CCDC40: variants seen among roughly 807,000 people sequenced by gnomAD.
CCDC40 encodes coiled-coil domain 40 molecular ruler complex subunit, also known as coiled-coil domain-containing protein 40.
In CCDC40, 104 loss-of-function variants were observed where a neutral mutation model predicts 124.5. That is an observed-to-expected ratio of 0.84 (90% CI 0.71 to 0.98). CCDC40 has a LOEUF of 0.98. Among genes scored for constraint, CCDC40 ranks in the 50% least tolerant of loss-of-function variants. The probability of loss-of-function intolerance (pLI) is 0.00; values close to 1 mark genes in which losing one functional copy is unlikely to be tolerated. For synonymous variants in CCDC40, 580 were observed against 602.9 expected, an observed-to-expected ratio of 0.96 and a Z score of 0.56; for missense variants, 1,463 against 1,503.9, an observed-to-expected ratio of 0.97 and a Z score of 0.45.
In CCDC40 at chr17:80,097,344, C is replaced by G; in HGVS notation, c.3121C>G (p.Gln1041Glu). The G allele has an allele frequency of 6.2e-7, 1 of 1,613,974 alleles. No individual in the cohort carries two copies. The highest frequency in any genetic ancestry group is 8.5e-7 in the Non-Finnish European group (1 of 1,180,036). Residue 1041 changes from glutamine (Q) to glutamate (E), a missense_variant, in exon 19 of 20, where the codon CAG (glutamine) becomes GAG (glutamate). Coordinates refer to ENST00000397545, the MANE Select transcript of CCDC40 (RefSeq NM_017950.4). ...LEKQEKLSVI[Q>E]ADFDTLEADL... The stretch of plus-strand genomic sequence containing the variant: ...GAAGCAGGAAAAGCTGTCGGTGATT[C>G]AGGCAGACTTCGACACACTCGAGGC...
chr17:80,095,489 T>A, intron 18 of CCDC40, 38 bp downstream of exon 18: 1 of 1,594,450 alleles, frequency 6.3e-7, no homozygotes, highest in South Asian at 1.1e-5. Flanking sequence ...CGCCTGCTCC[T>A]CTCTCTGGGA....
intron 3 of CCDC40, among the ~76,000 whole-genome samples, chr17:80,044,125 T>C (rs565407858): frequency 6.6e-6 from 1 of 152,222 alleles, no homozygotes; most frequent in South Asian, 2.1e-4. Flanking sequence ...ATTGTGCCCA[T>C]TGTACAGATG....
At chr17:80,073,096 G>A (rs778624550) in intron 10 of CCDC40, among the ~76,000 whole-genome samples, 10 of 152,118 alleles carry the variant, frequency 6.6e-5, no homozygotes, top group African/African-American at 1.2e-4. Flanking sequence ...TCCACCTCCC[G>A]GGTTCAAGCA....
Position 80,081,866 on chromosome 17 carries a change from T to A in CCDC40, c.1807-10T>A. ...TCAGGCACGTGCACCCTGTGGCTCC[T>A]TGTCTCCAGGAACAAATGATACTCA... On this transcript the variant is annotated splice_polypyrimidine_tract_variant and intron_variant, in intron 11 of 19. Transcript: ENST00000397545. 1 of 1,614,086 alleles carries A rather than the reference T, an allele frequency of 6.2e-7. No individual in the cohort carries two copies.
In CCDC40 at chr17:80,097,344, CA is replaced by C. The variant is rs748352845; in HGVS notation, c.3122del (p.Gln1041ArgfsTer38). On this transcript the variant is annotated frameshift_variant, in exon 19 of 20. Transcript: ENST00000397545. LOFTEE classifies it high-confidence loss of function. Reference sequence around the variant, plus strand: ...GAAGCAGGAAAAGCTGTCGGTGATTCAGGCAGACTTCGACACACTCGAGGCC... The same window carrying C: ...GAAGCAGGAAAAGCTGTCGGTGATTCGGCAGACTTCGACACACTCGAGGCC... Reference protein sequence around the residue: ...LEKQEKLSVIQADFDTLEADL... With the variant: ...LEKQEKLSVIXADFDTLEADL... 6.2e-7 allele frequency: 1 copy of C among 1,613,974 alleles called. No individual in the cohort carries two copies. Among genetic ancestry groups the C allele is most frequent in the South Asian group, 1.1e-5 (1 of 91,080 alleles).
At chr17:80,056,970 C>T (rs11868355) in intron 7 of CCDC40, among the ~76,000 whole-genome samples, 1 of 145,316 alleles carries the variant, frequency 6.9e-6, no homozygotes, top group Non-Finnish European at 1.5e-5. Context: ...GAACCCGGGA[C>T]GCAGAGCTTG....
At chr17:80,094,482 G>A (rs868202052) in intron 17 of CCDC40, among the ~76,000 whole-genome samples, 2 of 152,032 alleles carry the variant, frequency 1.3e-5, no homozygotes, top group Admixed American at 6.6e-5. Context: ...GGAGGCCAAG[G>A]TGGGCGGATC....
chr17:80,078,475 G>A (rs2038365356), intron 10 of CCDC40, among the ~76,000 whole-genome samples: 1 of 152,094 alleles, frequency 6.6e-6, no homozygotes, highest in Non-Finnish European at 1.5e-5. Context: ...TATGAGCGGG[G>A]TCCAGGCTCA....
chr17:80,082,547 C>T (rs1175660659), intron 12 of CCDC40, among the ~76,000 whole-genome samples: 2 of 152,190 alleles, frequency 1.3e-5, no homozygotes, highest in Non-Finnish European at 2.9e-5. Context: ...ACCACAGGCT[C>T]CACCATTTCC....
intron 10 of CCDC40, among the ~76,000 whole-genome samples, chr17:80,069,473 CGGT>C (rs2038134444): frequency 1.3e-5 from 2 of 152,160 alleles, no homozygotes; most frequent in African/African-American, 2.4e-5. Context: ...GGGTCAGGCG[CGGT>C]GGCTCACGCC....
chr17:80,081,854 C>T, intron 11 of CCDC40, 22 bp from the exon 12 acceptor site: 1 of 1,614,054 alleles, frequency 6.2e-7, no homozygotes, highest in Non-Finnish European at 8.5e-7. Flanking sequence ...GGCACGTGCA[C>T]CCTGTGGCTC....
chr17:80,063,848 T>C (rs1260206528), intron 9 of CCDC40, among the ~76,000 whole-genome samples: 1 of 152,088 alleles, frequency 6.6e-6, no homozygotes, highest in Non-Finnish European at 1.5e-5. Context: ...GAAGAGAGGG[T>C]TTTGAATGTT....
rs1442065809 is a variant in CCDC40 at position 80,065,001 on chromosome 17, C to T, written c.1441-484C>T. Among the ~76,000 whole-genome samples, 3 of 151,336 alleles carry T rather than the reference C, an allele frequency of 2.0e-5. No homozygotes were observed. The East Asian group carries it at 5.9e-4, about 30-fold the overall frequency. On this transcript the variant is annotated intron_variant, in intron 9 of 19. Coordinates refer to ENST00000397545, the MANE Select transcript of CCDC40 (RefSeq NM_017950.4). Reference sequence around the variant, plus strand: ...TGTTTCACGGATGCTGGCCAGGATCCCCTCCTCCTCTCCCTCCTCCTCTCC... The same window carrying T: ...TGTTTCACGGATGCTGGCCAGGATCTCCTCCTCCTCTCCCTCCTCCTCTCC...
intron 17 of CCDC40, among the ~76,000 whole-genome samples, chr17:80,093,298 C>T (rs1466833984): frequency 6.6e-6 from 1 of 152,214 alleles, no homozygotes; most frequent in Non-Finnish European, 1.5e-5. Context: ...TCTCCTGCCT[C>T]AGCCTCCTGA....
At chr17:80,051,533 G>T (rs1295903308) in intron 7 of CCDC40, among the ~76,000 whole-genome samples, 1 of 149,008 alleles carries the variant, frequency 6.7e-6, no homozygotes, top group Non-Finnish European at 1.5e-5. Flanking sequence ...GGAGGCTGAG[G>T]CAGGAGAATG....
At chr17:80,052,200 G>A (rs917053645) in intron 7 of CCDC40, among the ~76,000 whole-genome samples, 4 of 152,206 alleles carry the variant, frequency 2.6e-5, no homozygotes, top group African/African-American at 9.7e-5. Context: ...AGAGAAAGGA[G>A]AGTTTATTCA....
At chr17:80,047,536 T>C in intron 4 of CCDC40, 134 bp downstream of exon 4, 1 of 873,352 alleles carries the variant, frequency 1.1e-6, no homozygotes, top group Admixed American at 2.0e-5. Flanking sequence ...GAGAAAAATC[T>C]TATTAACAGA....
chr17:80,064,155 G>A (rs911654479), intron 9 of CCDC40, among the ~76,000 whole-genome samples: 2 of 152,174 alleles, frequency 1.3e-5, no homozygotes, highest in African/African-American at 2.4e-5. Flanking sequence ...ACGTCGTAAT[G>A]AATAGATGGT....
intron 10 of CCDC40, among the ~76,000 whole-genome samples, chr17:80,080,951 T>C (rs930184088): frequency 1.3e-5 from 2 of 152,170 alleles, no homozygotes; most frequent in African/African-American, 2.4e-5. Context: ...GGAAGGATCA[T>C]GTGTGAGGTG....
Sources: gnomAD v4.1 joint callset for allele counts (sites outside exome capture counted in the v4.1 genomes callset) on GRCh38, gnomAD v4.1.1 for gene constraint, MANE v1.5 for transcripts, NCBI Gene and HGNC (gene_info 2026-07-23, HGNC 2026-07-21) for gene names.